The following ANO1 variants were observed in gnomAD, a reference collection of about 807,000 sequenced individuals.
The protein encoded by ANO1 is anoctamin 1, also known as anoctamin-1.
In ANO1, 59 loss-of-function variants were observed where a neutral mutation model predicts 124.0. The observed-to-expected ratio is 0.48, with a 90% CI of 0.39 to 0.59. ANO1 has a LOEUF of 0.59. Among genes scored for constraint, ANO1 ranks in the 20% least tolerant of loss-of-function variants. The pLI is 0.00. For missense variants in ANO1, 1,059 were observed against 1,328.0 expected, an observed-to-expected ratio of 0.80 and a Z score of 3.15; for synonymous variants, 529 against 532.0, an observed-to-expected ratio of 0.99 and a Z score of 0.08.
At chr11:69,974,873 G>A in the ANO1 span, among the ~76,000 whole-genome samples, 3 of 140,010 alleles carry the variant, frequency 2.1e-5, no homozygotes, top group African/African-American at 5.3e-5. Flanking sequence ...AAAAGACTAG[G>A]ATGCCTCCGT....
chr11:69,981,388 G>A (rs572363925), upstream of ANO1, among the ~76,000 whole-genome samples: 5 of 152,354 alleles, frequency 3.3e-5, no homozygotes, highest in African/African-American at 1.2e-4. Context: ...CGGATTCGAT[G>A]AGCCGATATT....
the ANO1 span, among the ~76,000 whole-genome samples, chr11:69,968,871 G>T: frequency 1.6e-4 from 24 of 152,250 alleles, no homozygotes; most frequent in Non-Finnish European, 2.4e-4. Flanking sequence ...CCTTCAGTAT[G>T]TGCTGGCAGC....
At chr11:70,084,141 C>T (rs115815799) in intron 1 of ANO1, among the ~76,000 whole-genome samples, 2,613 of 152,230 alleles carry the variant, frequency 0.017, 76 homozygotes, top group African/African-American at 0.059. Flanking sequence ...AGCCCTCAGG[C>T]GCACCTGGGA....
intron 1 of ANO1, among the ~76,000 whole-genome samples, chr11:70,048,293 C>A (rs569441180): frequency 6.6e-6 from 1 of 152,182 alleles, no homozygotes; most frequent in East Asian, 1.9e-4. Context: ...TTTCTATAAA[C>A]TCTATCAGAT....
intron 12 of ANO1, 45 bp from the exon 13 acceptor site, chr11:70,152,405 A>T: frequency 6.3e-7 from 1 of 1,594,956 alleles, no homozygotes; most frequent in Non-Finnish European, 8.6e-7. Context: ...AACCTAAGTA[A>T]TGACATCTTT....
At chr11:70,115,338 C>A (rs773922437) in intron 7 of ANO1, among the ~76,000 whole-genome samples, 3 of 152,132 alleles carry the variant, frequency 2.0e-5, no homozygotes, top group Non-Finnish European at 4.4e-5. Context: ...CCAGGCCAGG[C>A]GCAGTGGCTC....
At chr11:70,045,818 G>T (rs782202016) in intron 1 of ANO1, among the ~76,000 whole-genome samples, 6 of 152,200 alleles carry the variant, frequency 3.9e-5, no homozygotes, top group Non-Finnish European at 8.8e-5. Context: ...GAGATGGAAT[G>T]GACTCATGTT....
chr11:70,085,815 C>T (rs1230557044), intron 1 of ANO1: 13 of 1,066,562 alleles, frequency 1.2e-5, no homozygotes, highest in East Asian at 1.1e-4. Context: ...CTCCACCCTC[C>T]GGCTTCCCTG....
rs1172116214 is a variant in ANO1, at chr11:70,017,570, C to T, written c.58+31404C>T. Among the ~76,000 whole-genome samples the T allele has an allele frequency of 2.7e-5, 4 of 146,108 alleles. No individual in the cohort carries two copies. The Admixed American group carries it at 2.8e-4, about 10-fold the overall frequency. On this transcript the variant is annotated intron_variant, in intron 1 of 27. Transcript: ENST00000531349. ...TTACTCTGTCACCCAGGCTGGAGTA[C>T]AGTGGCATGGTCATGTCTCACTGCA...
At chr11:70,162,099 G>C (rs1371745260) in intron 18 of ANO1, among the ~76,000 whole-genome samples, 1 of 149,670 alleles carries the variant, frequency 6.7e-6, no homozygotes, top group African/African-American at 2.5e-5. Context: ...GAGGACCCGG[G>C]AGTGAGGGCC....
At chr11:70,005,046 C>T (rs1856460610) in intron 1 of ANO1, among the ~76,000 whole-genome samples, 1 of 150,472 alleles carries the variant, frequency 6.6e-6, no homozygotes, top group Admixed American at 6.7e-5. Flanking sequence ...CTGGGAGGCG[C>T]AGGCTGCAGT....
intron 12 of ANO1, among the ~76,000 whole-genome samples, chr11:70,151,615 GGA>G (rs1371574975): frequency 1.3e-5 from 2 of 152,136 alleles, no homozygotes; most frequent in African/African-American, 2.4e-5. Flanking sequence ...TGATGGCTTG[GGA>G]TCTTGATTTT....
Position 70,010,179 on chromosome 11 carries a change from G to GTGTATATATATATATATATATATA in ANO1, c.58+24014_58+24015insGTATATATATATATATATATATAT. Among the ~76,000 whole-genome samples the GTGTATATATATATATATATATATA allele has an allele frequency of 1.6e-4, 13 of 83,808 alleles. 1 individual carries two copies. Among genetic ancestry groups the GTGTATATATATATATATATATATA allele is most frequent in the South Asian group, 9.5e-4 (2 of 2,110 alleles). The allele number at this position is 83,808 out of a possible 152,430, so 55.0% of individuals were successfully genotyped here. On this transcript the variant is annotated intron_variant, in intron 1 of 27. Coordinates refer to the ANO1 transcript ENST00000531349. ...TGTGTGTGTGTGCGCGTGTGTGTGT[G>GTGTATATATATATATATATATATA]TATATATATATATATATATCACATT...
chr11:70,021,796 C>T (rs1856815052), intron 1 of ANO1, among the ~76,000 whole-genome samples: 1 of 152,166 alleles, frequency 6.6e-6, no homozygotes, highest in Non-Finnish European at 1.5e-5. Flanking sequence ...CCCTCTGTGT[C>T]CACTGCCCTG....
intron 1 of ANO1, among the ~76,000 whole-genome samples, chr11:69,989,718 G>T (rs782177657): frequency 6.6e-5 from 10 of 152,300 alleles, no homozygotes; most frequent in Non-Finnish European, 1.2e-4. Flanking sequence ...TGGGCCAGGG[G>T]CAGAAGCCTG....
intron 5 of ANO1, among the ~76,000 whole-genome samples, chr11:70,107,807 TCAGCAGGGCTCTGCCCAGGCAC>T (rs1266271257): frequency 6.6e-6 from 1 of 152,020 alleles, no homozygotes; most frequent in African/African-American, 2.4e-5. Context: ...GGGAATCCCT[TCAGCAGGGCTCTGCCCAGGCAC>T]CAGGAACCCA....
chr11:69,987,980 C>T (rs55953866), intron 1 of ANO1, among the ~76,000 whole-genome samples: 7,746 of 152,208 alleles, frequency 0.051, 278 homozygotes, highest in Non-Finnish European at 0.071. Flanking sequence ...GGGGTGGAAT[C>T]GTGCCCCCTG....
intron 1 of ANO1, among the ~76,000 whole-genome samples, chr11:70,025,395 G>T (rs1409031187): frequency 1.6e-4 from 25 of 152,014 alleles, no homozygotes; most frequent in Admixed American, 1.6e-3. Context: ...AATAATGATG[G>T]TGGTGGTGGT....
At chr11:70,076,385 C>A (rs1591078573), upstream of ANO1, among the ~76,000 whole-genome samples, 1 of 152,110 alleles carries the variant, frequency 6.6e-6, no homozygotes, top group African/African-American at 2.4e-5. Flanking sequence ...ACTTCCCAAA[C>A]CTTTGGGAGC....
Sources: allele counts gnomAD v4.1 joint callset (sites outside exome capture counted in the v4.1 genomes callset), GRCh38; gene constraint gnomAD v4.1.1; transcripts MANE v1.5; gene names NCBI Gene and HGNC (gene_info 2026-07-23, HGNC 2026-07-21).